The following DENND5B variants were observed in gnomAD, a reference collection of about 807,000 sequenced individuals.
The protein encoded by DENND5B is DENN domain-containing protein 5B.
In DENND5B, 34 loss-of-function variants were observed where a neutral mutation model predicts 140.6. That is an observed-to-expected ratio of 0.24 (90% CI 0.18 to 0.32). The LOEUF (loss-of-function observed/expected upper bound fraction) is 0.32, where lower values mean the gene tolerates loss of function less well. DENND5B is among the 10% of genes least tolerant of loss of function. The pLI is 1.00. For synonymous variants in DENND5B, 551 were observed against 562.1 expected (o/e 0.98, Z 0.28); for missense variants, 1,142 against 1,560.2 (o/e 0.73, Z 4.52).
At chr12:31,546,374 A>G (rs1316291909) in intron 1 of DENND5B, among the ~76,000 whole-genome samples, 2 of 151,976 alleles carry the variant, frequency 1.3e-5, no homozygotes, top group Non-Finnish European at 2.9e-5. Context: ...CCTGAGTAAT[A>G]CATATTTAGT....
chr12:31,449,001 G>A (rs548196439), intron 5 of DENND5B, among the ~76,000 whole-genome samples: 1 of 152,262 alleles, frequency 6.6e-6, no homozygotes, highest in East Asian at 1.9e-4. Flanking sequence ...CTAATTAAAA[G>A]TGTCATTTTT....
At chr12:31,451,310 T>C (rs891919693) in intron 5 of DENND5B, among the ~76,000 whole-genome samples, 1 of 152,090 alleles carries the variant, frequency 6.6e-6, no homozygotes, top group Non-Finnish European at 1.5e-5. Context: ...TAAGAGTTTC[T>C]ATAAATTTTT....
At chr12:31,515,732 T>A (rs1190986316) in intron 1 of DENND5B, among the ~76,000 whole-genome samples, 1 of 152,238 alleles carries the variant, frequency 6.6e-6, no homozygotes, top group African/African-American at 2.4e-5. Context: ...AAGATTAAAC[T>A]CATCTATTCA....
chr12:31,591,031 G>T lies in DENND5B; in HGVS notation c.-199C>A. 1 of 429,232 alleles carries T rather than the reference G, an allele frequency of 2.3e-6. No individual in the cohort carries two copies. The highest frequency in any genetic ancestry group is 3.1e-6 in the Non-Finnish European group (1 of 321,476). 26.6% of individuals were successfully genotyped at this position (429,232 alleles called of 1,614,324 possible). On this transcript the variant is annotated 5_prime_UTR_variant, in exon 1 of 21. Coordinates refer to ENST00000389082, the MANE Select transcript of DENND5B (RefSeq NM_144973.4). The stretch of plus-strand genomic sequence containing the variant: ...GGGAAGCGGCCGCGGGCTCGCGCGC[G>T]GCGGGTCCGGAGCCCGGCCGGGTGG...
At chr12:31,527,068 CAT>C (rs1324212589) in intron 1 of DENND5B, among the ~76,000 whole-genome samples, 2 of 152,016 alleles carry the variant, frequency 1.3e-5, no homozygotes, top group Non-Finnish European at 2.9e-5. Context: ...AAACAATAAA[CAT>C]AATAAATAAG....
chr12:31,494,169 TATCTATCTATCTATCC>T lies in DENND5B; in HGVS notation c.237+1625_237+1640del, dbSNP rs748010233. ...CTATCTATCTATCTATCTATCTATCTATCTATCTATCTATCCATCCATCCATCCATCCACCTACCTA... is the reference window on the plus strand; with the variant it reads ...CTATCTATCTATCTATCTATCTATCTATCCATCCATCCATCCACCTACCTA... On this transcript the variant is annotated intron_variant, in intron 2 of 20. Coordinates refer to ENST00000389082, the MANE Select transcript of DENND5B (RefSeq NM_144973.4). 9.3e-3 allele frequency among the ~76,000 whole-genome samples: 677 copies of T among 73,040 alleles called. 4 individuals carry two copies. Among genetic ancestry groups the T allele is most frequent in the African/African-American group, 0.027 (507 of 18,958 alleles). The allele number at this position is 73,040 out of a possible 152,430, so 47.9% of individuals were successfully genotyped here.
intron 1 of DENND5B, among the ~76,000 whole-genome samples, chr12:31,516,538 T>A (rs1451347251): frequency 6.6e-6 from 1 of 151,914 alleles, no homozygotes; most frequent in Non-Finnish European, 1.5e-5. Context: ...CCATTATCTA[T>A]TTTTTCCATT....
At chr12:31,392,239 T>C in intron 19 of DENND5B, 28 bp downstream of exon 19, 1 of 1,612,830 alleles carries the variant, frequency 6.2e-7, no homozygotes, top group East Asian at 2.2e-5. Context: ...TCAGTGACCT[T>C]AATGTAATAC....
chr12:31,444,811 C>T (rs544140042), intron 6 of DENND5B, among the ~76,000 whole-genome samples: 2 of 152,282 alleles, frequency 1.3e-5, no homozygotes, highest in Admixed American at 1.3e-4. Context: ...TTCATTAATT[C>T]TACTTTCTCA....
At chr12:31,551,398 C>T (rs1040595416) in intron 1 of DENND5B, among the ~76,000 whole-genome samples, 13 of 152,104 alleles carry the variant, frequency 8.5e-5, no homozygotes, top group Non-Finnish European at 1.6e-4. Context: ...TTTCTGAGGG[C>T]TCTGCTCTGT....
intron 17 of DENND5B, 27 bp from the exon 18 acceptor site, chr12:31,392,723 T>A: frequency 1.3e-6 from 2 of 1,542,438 alleles, no homozygotes; most frequent in Non-Finnish European, 1.8e-6. Context: ...AGTGGCTGCA[T>A]TCTCATGGGA....
intron 1 of DENND5B, among the ~76,000 whole-genome samples, chr12:31,582,494 A>G (rs1950236753): frequency 6.6e-6 from 1 of 152,236 alleles, no homozygotes; most frequent in Non-Finnish European, 1.5e-5. Context: ...CAGTAAGAAG[A>G]GCAAAGAGGT....
intron 1 of DENND5B, among the ~76,000 whole-genome samples, chr12:31,544,941 G>T (rs2139193851): frequency 6.6e-6 from 1 of 151,738 alleles, no homozygotes; most frequent in Non-Finnish European, 1.5e-5. Flanking sequence ...AATAAACAAA[G>T]AATCCAAAAT....
chr12:31,556,564 C>T (rs1189587428), intron 1 of DENND5B, among the ~76,000 whole-genome samples: 1 of 151,866 alleles, frequency 6.6e-6, no homozygotes, highest in Non-Finnish European at 1.5e-5. Context: ...AGAGGCTTTG[C>T]AGAACAATAT....
intron 1 of DENND5B, among the ~76,000 whole-genome samples, chr12:31,513,634 C>T (rs1273052933): frequency 6.6e-6 from 1 of 152,020 alleles, no homozygotes; most frequent in Non-Finnish European, 1.5e-5. Context: ...TTTGATGCAC[C>T]CCCATCTATG....
chr12:31,390,297 G>A (rs1218306931), intron 19 of DENND5B, among the ~76,000 whole-genome samples: 1 of 152,166 alleles, frequency 6.6e-6, no homozygotes, highest in Admixed American at 6.6e-5. Flanking sequence ...CTTGAAATGT[G>A]GCCAGTGTTA....
chr12:31,539,990 A>AC lies in DENND5B; in HGVS notation c.128-44072dup, dbSNP rs1450640878. On this transcript the variant is annotated intron_variant, in intron 1 of 20. Coordinates refer to ENST00000389082, the MANE Select transcript of DENND5B (RefSeq NM_144973.4). Reference sequence around the variant, plus strand: ...GTATTTGGAAAAACCTAAAGACTCCACCAAAAAACTATTAGAACTCATACA... The same window carrying AC: ...GTATTTGGAAAAACCTAAAGACTCCACCCAAAAAACTATTAGAACTCATACA... Among the ~76,000 whole-genome samples, 6 of 152,256 alleles carry AC rather than the reference A, an allele frequency of 3.9e-5. 1 individual carries two copies. Among genetic ancestry groups the AC allele is most frequent in the Admixed American group, 2.0e-4 (3 of 15,280 alleles).
chr12:31,517,592 C>T (rs1243024631), intron 1 of DENND5B, among the ~76,000 whole-genome samples: 1 of 152,164 alleles, frequency 6.6e-6, no homozygotes, highest in African/African-American at 2.4e-5. Flanking sequence ...GTTTTACTAA[C>T]GATTGTATTT....
intron 19 of DENND5B, among the ~76,000 whole-genome samples, chr12:31,391,248 A>C (rs1415239154): frequency 6.6e-6 from 1 of 152,134 alleles, no homozygotes; most frequent in East Asian, 1.9e-4. Context: ...CTTGGGGCTT[A>C]GCACTGGCAG....
Sources: allele counts gnomAD v4.1 joint callset (sites outside exome capture counted in the v4.1 genomes callset), GRCh38; gene constraint gnomAD v4.1.1; transcripts MANE v1.5; gene names NCBI Gene and HGNC (gene_info 2026-07-23, HGNC 2026-07-21).